Variants in LLGL2 observed in about 807,000 individuals in gnomAD.
LLGL2 encodes the protein LLGL scribble cell polarity complex component 2, also known as LLGL2, scribble cell polarity complex component.
LLGL2 carries 81 observed loss-of-function variants against 123.2 expected under a neutral mutation model. The ratio of observed to expected loss-of-function variants is 0.66; its 90% CI spans 0.55 to 0.79. LLGL2 has a LOEUF of 0.79. Among genes scored for constraint, LLGL2 ranks in the 30% least tolerant of loss-of-function variants. The pLI is 0.00. For missense variants in LLGL2, 1,273 were observed against 1,414.6 expected (o/e 0.90, Z 1.61); for synonymous variants, 577 against 594.1 (o/e 0.97, Z 0.42).
chr17:75,568,866 T>A (rs2055563449), intron 12 of LLGL2, 27 bp downstream of exon 12: 1 of 1,564,914 alleles, frequency 6.4e-7, no homozygotes, highest in African/African-American at 1.4e-5. Context: ...CTACCCCACC[T>A]CTTCCCAGTA....
chr17:75,529,238 C>G (rs955617412), intron 1 of LLGL2, among the ~76,000 whole-genome samples: 2 of 151,904 alleles, frequency 1.3e-5, no homozygotes, highest in African/African-American at 4.8e-5. Flanking sequence ...CCTCTGTCGC[C>G]CAGGATGGAG....
chr17:75,525,344 G>A (rs913590750), upstream of LLGL2, among the ~76,000 whole-genome samples: 2 of 152,218 alleles, frequency 1.3e-5, no homozygotes, highest in Middle Eastern at 6.8e-3. The surrounding 1 kb of genome is among the most constrained non-coding windows in gnomAD (Gnocchi z 4.8). Context: ...TCCCTCGGCA[G>A]CTCCCGGGAG....
Position 75,573,211 on chromosome 17 carries a change from C to A in LLGL2, c.2658C>A (p.Arg886=), listed in dbSNP as rs1240667769. 1 of 1,612,138 alleles carries A rather than the reference C, an allele frequency of 6.2e-7. No individual in the cohort carries two copies. Among genetic ancestry groups the A allele is most frequent in the Non-Finnish European group, 8.5e-7 (1 of 1,179,216 alleles). ...TGCCCCTGCTCAAGCCCCAGGTGCG[C>A]TACAGCTGCATCCGCCGGGAGGACG... ...VSLPLLKPQV[R]YSCIRREDVS... The change falls in exon 20 of 26, where the codon CGC becomes CGA. Residue 886 remains arginine (R), a synonymous_variant. Coordinates refer to ENST00000392550, the MANE Select transcript of LLGL2 (RefSeq NM_001031803.2).
At chr17:75,550,731 A>G (rs561897581) in intron 2 of LLGL2, among the ~76,000 whole-genome samples, 46 of 144,424 alleles carry the variant, frequency 3.2e-4, no homozygotes, top group African/African-American at 1.2e-3. Flanking sequence ...CAGTGAGCTG[A>G]GATCGTACCA....
rs1442299723 is a variant in LLGL2 at position 75,568,593 on chromosome 17, C to A, written c.1154C>A (p.Ser385Tyr). 6.2e-6 allele frequency: 10 copies of A among 1,613,980 alleles called. No individual in the cohort carries two copies. The highest frequency in any genetic ancestry group is 8.5e-6 in the Non-Finnish European group (10 of 1,180,036). Reference protein sequence around the residue: ...QLPYLASLHCSAITCSHHVSN... With the variant: ...QLPYLASLHCYAITCSHHVSN... The stretch of plus-strand genomic sequence containing the variant: ...CCCTACCTGGCTTCTCTGCACTGTT[C>A]CGCCATCACCTGCTCTCACCACGTC... The change falls in exon 11 of 26, where the codon TCC becomes TAC. Residue 385 changes from serine (S) to tyrosine (Y), a missense_variant. Ser to Tyr is a moderately radical substitution (Grantham distance 144, BLOSUM62 -2). Transcript: ENST00000392550.
intron 1 of LLGL2, among the ~76,000 whole-genome samples, chr17:75,536,224 A>G (rs1406622242): frequency 6.6e-6 from 1 of 151,956 alleles, no homozygotes; most frequent in Non-Finnish European, 1.5e-5. Flanking sequence ...CTAGGTGGCA[A>G]CCCCAGTGAC....
chr17:75,525,291 T>G (rs2147025879), upstream of LLGL2: 1 of 150,074 alleles, frequency 6.7e-6, no homozygotes. This position sits in a 1 kb window ranked among gnomAD's most constrained non-coding sequence, Gnocchi z 4.8. Context: ...GGTCACCCTC[T>G]CTGGGCTGGG....
Position 75,546,549 on chromosome 17 carries a change from A to ACAGGCCCAGCAGACAGGCGGAGGG in LLGL2, c.75+3053_75+3076dup. On this transcript the variant is annotated intron_variant, in intron 2 of 25. Coordinates refer to ENST00000392550, the MANE Select transcript of LLGL2 (RefSeq NM_001031803.2). ...GAGGTTGAGTTGGGGGAGCCTTGGG[A>ACAGGCCCAGCAGACAGGCGGAGGG]CAGGCCCAGCAGACAGGCGGAGGGC... 3.3e-5 allele frequency among the ~76,000 whole-genome samples: 5 copies of ACAGGCCCAGCAGACAGGCGGAGGG among 151,822 alleles called. No homozygotes were observed. The South Asian group carries it at 6.2e-4, about 19-fold the overall frequency.
intron 1 of LLGL2, among the ~76,000 whole-genome samples, chr17:75,529,203 T>G (rs546230591): frequency 2.0e-5 from 3 of 150,626 alleles, no homozygotes; most frequent in Non-Finnish European, 4.4e-5. Flanking sequence ...AGTCCTTTTC[T>G]TTTTTTTTCT....
rs768353801 is a variant in LLGL2, at chr17:75,573,987, C to T, written c.2905+7C>T. 5.2e-6 allele frequency: 8 copies of T among 1,550,722 alleles called. No individual in the cohort carries two copies. Among genetic ancestry groups the T allele is most frequent in the Admixed American group, 3.9e-5 (2 of 50,992 alleles). On this transcript the variant is annotated splice_region_variant and intron_variant, in intron 22 of 25. Coordinates refer to ENST00000392550, the MANE Select transcript of LLGL2 (RefSeq NM_001031803.2). ...ACTCAGAGTGATGGCGAGGGTAAGA[C>T]AGGCCTCCTGGGCTCATGCACACCT... is the stretch of plus-strand genomic sequence containing the variant.
intron 1 of LLGL2, among the ~76,000 whole-genome samples, chr17:75,540,565 C>T (rs2054168935): frequency 1.3e-5 from 2 of 152,248 alleles, no homozygotes; most frequent in South Asian, 2.1e-4. Flanking sequence ...ACTGCCGGGT[C>T]GGCTCTGAGC....
At position 75,570,431 on chromosome 17, in the gene LLGL2, C is replaced by A; in HGVS notation, c.1958C>A (p.Ser653Ter). ...VKSLKKSLRQ[S>*]FRRMRRSRVS... ...TCCCTCAAGAAGTCCTTGCGTCAGT[C>A]ATTCCGCCGGATGCGTCGGAGCCGG... Residue 653 changes from serine (S) to a stop codon, truncating the protein, a stop_gained, in exon 16 of 26, where the codon TCA becomes TAA. Coordinates refer to ENST00000392550, the MANE Select transcript of LLGL2 (RefSeq NM_001031803.2). LOFTEE classifies it high-confidence loss of function. The A allele has an allele frequency of 6.2e-7, 1 of 1,605,348 alleles. No homozygotes were observed. The highest frequency in any genetic ancestry group is 8.5e-7 in the Non-Finnish European group (1 of 1,176,796).
intron 3 of LLGL2, among the ~76,000 whole-genome samples, chr17:75,556,360 C>T (rs746626804): frequency 1.3e-5 from 2 of 152,096 alleles, no homozygotes; most frequent in South Asian, 2.1e-4. Context: ...TGGGATGCGA[C>T]CCTGTCCTTT....
At chr17:75,568,225 C>T (rs949351735) in intron 10 of LLGL2, 1 of 1,407,102 alleles carries the variant, frequency 7.1e-7, no homozygotes, top group Non-Finnish European at 9.2e-7. Context: ...CTGGTTGGGA[C>T]CCTGCCTTCC....
At position 75,569,343 on chromosome 17, in the gene LLGL2, G is replaced by T; in HGVS notation, c.1581+18G>T. The T allele has an allele frequency of 6.3e-7, 1 of 1,598,302 alleles. No individual in the cohort carries two copies. On this transcript the variant is annotated intron_variant, in intron 14 of 25. Coordinates refer to ENST00000392550, the MANE Select transcript of LLGL2 (RefSeq NM_001031803.2). The stretch of plus-strand genomic sequence containing the variant: ...CAGGGCAGGTAGCAGGCTGGGCTGG[G>T]GAGGGGGAGCTGGGGAGGAGTGGTC...
chr17:75,531,892 G>A (rs552321486), intron 1 of LLGL2, among the ~76,000 whole-genome samples: 6 of 152,222 alleles, frequency 3.9e-5, no homozygotes, highest in Non-Finnish European at 5.9e-5. Flanking sequence ...TGCTCTGGGC[G>A]TGGGGACGAG....
Position 75,559,115 on chromosome 17 carries a change from T to A in LLGL2, c.372-137T>A, listed in dbSNP as rs981269604. ...TCCTGTCTTGGCAGAAAGTGACCAA[T>A]GTTTGTCCTGGCTTGAAATGTTATG... is the stretch of plus-strand genomic sequence containing the variant. On this transcript the variant is annotated intron_variant, in intron 5 of 25. Coordinates refer to ENST00000392550, the MANE Select transcript of LLGL2 (RefSeq NM_001031803.2). The surrounding 1 kb of genome is among the most constrained non-coding windows in gnomAD (Gnocchi z 4.6). 1.1e-6 allele frequency: 1 copy of A among 946,768 alleles called. No individual in the cohort carries two copies. The highest frequency in any genetic ancestry group is 1.5e-6 in the Non-Finnish European group (1 of 658,432). 58.6% of individuals were successfully genotyped at this position (946,768 alleles called of 1,614,324 possible). A position where few individuals can be genotyped will look rare whatever the true frequency, so the allele number is the denominator to read the frequency against.
chr17:75,562,455 C>T (rs1042275150), intron 6 of LLGL2: 4 of 155,780 alleles, frequency 2.6e-5, no homozygotes, highest in African/African-American at 9.6e-5. Flanking sequence ...AAGTCACTGC[C>T]TTGCCTTGCC....
At chr17:75,528,744 A>T (rs2053666554) in intron 1 of LLGL2, among the ~76,000 whole-genome samples, 1 of 151,914 alleles carries the variant, frequency 6.6e-6, no homozygotes, top group Non-Finnish European at 1.5e-5. Context: ...ATCTCAAAAC[A>T]AACAAACAAA....
Sources: gnomAD v4.1 joint callset for allele counts (sites outside exome capture counted in the v4.1 genomes callset) on GRCh38, gnomAD v4.1.1 for gene constraint, Gnocchi (gnomAD v3.1) non-coding constraint, MANE v1.5 for transcripts, NCBI Gene and HGNC (gene_info 2026-07-23, HGNC 2026-07-21) for gene names.